TMIGD3: variants seen among roughly 807,000 people sequenced by gnomAD.
TMIGD3 encodes transmembrane and immunoglobulin domain containing 3.
TMIGD3 carries 21 observed loss-of-function variants against 28.1 expected under a neutral mutation model. That is an observed-to-expected ratio of 0.75 (90% confidence interval 0.53 to 1.08). TMIGD3 has a LOEUF of 1.08. Among genes scored for constraint, TMIGD3 ranks in the 50% least tolerant of loss-of-function variants. TMIGD3 has a pLI of 0.00. For missense variants in TMIGD3, 416 were observed against 435.6 expected, an observed-to-expected ratio of 0.96 and a Z score of 0.40; for synonymous variants, 151 against 162.1, an observed-to-expected ratio of 0.93 and a Z score of 0.52.
intron 1 of TMIGD3, among the ~76,000 whole-genome samples, chr1:111,553,119 T>C (rs946057471): frequency 9.2e-5 from 14 of 152,236 alleles, no homozygotes; most frequent in Admixed American, 3.3e-4. Context: ...CTCATGTTTC[T>C]TCCCATCTTG....
Position 111,488,671 on chromosome 1 carries a change from C to T in TMIGD3, c.805+6G>A. The T allele has an allele frequency of 6.2e-7, 1 of 1,611,306 alleles. No individual in the cohort carries two copies. The highest frequency in any genetic ancestry group is 8.5e-7 in the Non-Finnish European group (1 of 1,177,876). ...CATCCAGCCAGACCCCAGGCAGGCT[C>T]CTTACCTTTCCCAGACCAAAAGTCA... On this transcript the variant is annotated splice_donor_region_variant and intron_variant, in intron 3 of 5. Transcript: ENST00000369716.
chr1:111,487,968 C>T (rs1273910884), intron 3 of TMIGD3, among the ~76,000 whole-genome samples: 2 of 151,966 alleles, frequency 1.3e-5, no homozygotes, highest in African/African-American at 4.8e-5. Context: ...CCACATCCAG[C>T]TAATTTTTGT....
chr1:111,503,495 C>T lies in TMIGD3; in HGVS notation c.-141G>A. 5 of 1,445,314 alleles carry T rather than the reference C, an allele frequency of 3.5e-6. No homozygotes were observed. Among genetic ancestry groups the T allele is most frequent in the Non-Finnish European group, 4.5e-6 (5 of 1,100,242 alleles). The allele number at this position is 1,445,314 out of a possible 1,614,324, so 89.5% of individuals were successfully genotyped here. ...TCTAAAATTCCCAACTTGCTCATTC[C>T]TACCCTTTTCTGGTGGGGTGATCTC... is the stretch of plus-strand genomic sequence containing the variant. On this transcript the variant is annotated 5_prime_UTR_variant, in exon 1 of 6. Transcript: ENST00000369716.
chr1:111,524,877 C>G (rs960990359), intron 1 of TMIGD3, among the ~76,000 whole-genome samples: 2 of 152,216 alleles, frequency 1.3e-5, no homozygotes, highest in African/African-American at 4.8e-5. Flanking sequence ...GACTCGGCCT[C>G]CCAAAGTGCT....
chr1:111,551,766 G>GTTTT (rs56257032), intron 1 of TMIGD3, among the ~76,000 whole-genome samples: 118,298 of 148,930 alleles, frequency 0.79, 49,390 homozygotes, highest in Non-Finnish European at 0.93. Context: ...GTTTTGTTTT[G>GTTTT]TTTTTTTGAG....
At chr1:111,529,675 A>G (rs1656384369) in intron 1 of TMIGD3, among the ~76,000 whole-genome samples, 1 of 151,174 alleles carries the variant, frequency 6.6e-6, no homozygotes, top group Non-Finnish European at 1.5e-5. Flanking sequence ...CAGAGAGCAC[A>G]GGGTTGGGGG....
intron 1 of TMIGD3, among the ~76,000 whole-genome samples, chr1:111,493,213 C>A (rs1429657622): frequency 6.6e-6 from 1 of 152,094 alleles, no homozygotes; most frequent in Non-Finnish European, 1.5e-5. Context: ...AAACCTCATG[C>A]TGAAATTTGA....
At chr1:111,541,823 A>G (rs191823813) in intron 1 of TMIGD3, among the ~76,000 whole-genome samples, 20 of 152,326 alleles carry the variant, frequency 1.3e-4, no homozygotes, top group Admixed American at 1.3e-4. Flanking sequence ...AGAGAGTAGC[A>G]TCGCCAAGAT....
intron 1 of TMIGD3, among the ~76,000 whole-genome samples, chr1:111,539,206 G>A (rs537762240): frequency 1.3e-5 from 2 of 152,338 alleles, no homozygotes; most frequent in South Asian, 4.1e-4. Flanking sequence ...CCCAGGTAGT[G>A]AGCATAGTAC....
At position 111,503,197 on chromosome 1, in the gene TMIGD3, G is replaced by C. The variant is rs773132962; in HGVS notation, c.158C>G (p.Ser53Cys). The change falls in exon 1 of 6, where the codon TCT becomes TGT. Residue 53 changes from serine (S) to cysteine (C), a missense_variant. Physicochemically the swap from Ser to Cys is moderately radical, Grantham distance 112. Transcript: ENST00000369716. ...AACAGCAATGTCAGCCAGGGCTAGAGAGACAATGAAATAGAAGGTGGTGGT... is the reference window on the plus strand; with the variant it reads ...AACAGCAATGTCAGCCAGGGCTAGACAGACAATGAAATAGAAGGTGGTGGT... The part of the protein sequence containing the change: ...LQTTTFYFIV[S>C]LALADIAVGV... 11 of 1,614,152 alleles carry C rather than the reference G, an allele frequency of 6.8e-6. No homozygotes were observed. The highest frequency in any genetic ancestry group is 9.3e-6 in the Non-Finnish European group (11 of 1,180,058).
At chr1:111,499,622 T>C in intron 1 of TMIGD3, 1 of 1,113,892 alleles carries the variant, frequency 9.0e-7, no homozygotes, top group Non-Finnish European at 1.1e-6. Context: ...CTGGAGCCTT[T>C]TGTCAGTAAG....
intron 5 of TMIGD3, among the ~76,000 whole-genome samples, chr1:111,484,571 AG>A (rs1331515365): frequency 5.9e-5 from 9 of 152,234 alleles, no homozygotes; most frequent in African/African-American, 2.2e-4. Flanking sequence ...CAAAAGGTCA[AG>A]AATGCTGTGG....
At chr1:111,561,884 A>G (rs1056595337) in intron 1 of TMIGD3, among the ~76,000 whole-genome samples, 3 of 151,822 alleles carry the variant, frequency 2.0e-5, no homozygotes, top group African/African-American at 7.3e-5. Flanking sequence ...TTTGGCCCGG[A>G]CTTTTTCAAC....
chr1:111,508,019 G>A (rs1176121513), upstream of TMIGD3, among the ~76,000 whole-genome samples: 1 of 152,238 alleles, frequency 6.6e-6, no homozygotes, highest in Non-Finnish European at 1.5e-5. Flanking sequence ...AATCCAAGGA[G>A]CCCAAGACTC....
chr1:111,500,361 G>A, intron 1 of TMIGD3: 2 of 1,614,216 alleles, frequency 1.2e-6, no homozygotes, highest in Non-Finnish European at 1.7e-6. Context: ...TCCAGGTGAG[G>A]AAGCTGAAGT....
chr1:111,551,257 G>A (rs190959462), intron 1 of TMIGD3, among the ~76,000 whole-genome samples: 2 of 152,144 alleles, frequency 1.3e-5, no homozygotes, highest in East Asian at 3.9e-4. Context: ...AAAAGAAAGG[G>A]CTTACGTGTG....
chr1:111,489,110 G>T (rs1011446209), intron 2 of TMIGD3, 86 bp from the exon 3 acceptor site: 23 of 1,297,260 alleles, frequency 1.8e-5, no homozygotes, highest in Non-Finnish European at 2.3e-5. Flanking sequence ...CCTCCTGAAG[G>T]ATAATTAATT....
intron 1 of TMIGD3, among the ~76,000 whole-genome samples, chr1:111,544,792 G>A (rs1656977470): frequency 6.8e-6 from 1 of 147,710 alleles, no homozygotes; most frequent in South Asian, 2.2e-4. Flanking sequence ...AATTTCTTGG[G>A]TATATCCAAT....
chr1:111,512,110 C>T (rs556775810), intron 1 of TMIGD3, among the ~76,000 whole-genome samples: 66 of 152,350 alleles, frequency 4.3e-4, no homozygotes, highest in African/African-American at 1.5e-3. Flanking sequence ...GCTTAGGGCC[C>T]TCCAATCAAG....
Sources: gnomAD v4.1 joint callset for allele counts (sites outside exome capture counted in the v4.1 genomes callset) on GRCh38, gnomAD v4.1.1 for gene constraint, MANE v1.5 for transcripts, NCBI Gene and HGNC (gene_info 2026-07-23, HGNC 2026-07-21) for gene names.